P2RY2: variants seen among roughly 807,000 people sequenced by gnomAD.
P2RY2 encodes purinergic receptor P2Y2.
For synonymous variants in P2RY2, 241 were observed against 231.9 expected (o/e 1.04, Z -0.35); for missense variants, 567 against 515.7 (o/e 1.10, Z -0.96).
Position 73,234,862 on chromosome 11 carries a change from G to C in P2RY2, c.703G>C (p.Gly235Arg). 2 of 1,610,472 alleles carry C rather than the reference G, an allele frequency of 1.2e-6. No homozygotes were observed. Among genetic ancestry groups the C allele is most frequent in the South Asian group, 1.1e-5 (1 of 91,076 alleles). Residue 235 changes from glycine to arginine, a missense_variant, in exon 3 of 3, where the codon GGC (glycine) becomes CGC (arginine). Physicochemically the swap from Gly to Arg is moderately radical, Grantham distance 125. Transcript: ENST00000393597. ...LLKPAYGTSG[G>R]LPRAKRKSVR... is the part of the protein sequence containing the mutation. ...AAAGCCAGCCTACGGGACCTCGGGC[G>C]GCCTGCCTAGGGCCAAGCGCAAGTC...
At position 73,234,970 on chromosome 11, in the gene P2RY2, T is replaced by G; in HGVS notation, c.811T>G (p.Phe271Val). Residue 271 changes from phenylalanine to valine, a missense_variant, in exon 3 of 3, where the codon TTC becomes GTC. By Grantham distance (50) the Phe-to-Val change is conservative. Coordinates refer to ENST00000393597, the MANE Select transcript of P2RY2 (RefSeq NM_002564.4). ...FHVTRTLYYSFRSLDLSCHTL... is the reference protein window; with the variant it reads ...FHVTRTLYYSVRSLDLSCHTL... ...CGTCACCCGCACCCTCTACTACTCCTTCCGCTCGCTGGACCTCAGCTGCCA... is the reference window on the plus strand; with the variant it reads ...CGTCACCCGCACCCTCTACTACTCCGTCCGCTCGCTGGACCTCAGCTGCCA... 6.2e-7 allele frequency: 1 copy of G among 1,610,602 alleles called. No individual in the cohort carries two copies. The highest frequency in any genetic ancestry group is 8.5e-7 in the Non-Finnish European group (1 of 1,180,002).
intron 1 of P2RY2, among the ~76,000 whole-genome samples, chr11:73,227,613 C>T (rs2135636537): frequency 6.6e-6 from 1 of 152,284 alleles, no homozygotes; most frequent in South Asian, 2.1e-4. Flanking sequence ...AGAATGCACA[C>T]TGGGCAAAGA....
Position 73,236,734 on chromosome 11 carries a change from A to C in P2RY2, c.*1441A>C, listed in dbSNP as rs1400459457. ...AAGAGATTCACTCCTCCTCCTGTCC[A>C]TCGTCTGCCTTCTGGGAAAATCCCA... On this transcript the variant is annotated 3_prime_UTR_variant, in exon 3 of 3. Coordinates refer to ENST00000393597, the MANE Select transcript of P2RY2 (RefSeq NM_002564.4). The C allele has an allele frequency of 1.0e-6, 1 of 985,240 alleles. No individual in the cohort carries two copies. Among genetic ancestry groups the C allele is most frequent in the Non-Finnish European group, 1.2e-6 (1 of 829,918 alleles). 61.0% of individuals were successfully genotyped at this position (985,240 alleles called of 1,614,324 possible).
In P2RY2 at chr11:73,234,606, C is replaced by T. The variant is rs147817701; in HGVS notation, c.447C>T (p.Tyr149=). The change falls in exon 3 of 3, where the codon TAC becomes TAT. Residue 149 remains tyrosine, a synonymous_variant. Transcript: ENST00000393597. ...CCCTGCGCTGGGGCCGGGCCCGCTACGCTCGCCGGGTGGCCGGGGCCGTGT... is the reference window on the plus strand; with the variant it reads ...CCCTGCGCTGGGGCCGGGCCCGCTATGCTCGCCGGGTGGCCGGGGCCGTGT... ...LRSLRWGRAR[Y]ARRVAGAVWV... The T allele has an allele frequency of 2.1e-3, 3,214 of 1,566,756 alleles. 24 individuals carry two copies. Among genetic ancestry groups the T allele is most frequent in the South Asian group, 0.016 (1,324 of 82,308 alleles).
chr11:73,237,036 T>C lies in P2RY2; in HGVS notation c.*1743T>C. On this transcript the variant is annotated 3_prime_UTR_variant, in exon 3 of 3. Coordinates refer to ENST00000393597, the MANE Select transcript of P2RY2 (RefSeq NM_002564.4). ...TCTGACCTCTCCACCCTTCCCACTCTGCCTTGTGAAAGGCAGGACATCCCC... is the reference window on the plus strand; with the variant it reads ...TCTGACCTCTCCACCCTTCCCACTCCGCCTTGTGAAAGGCAGGACATCCCC... 1 of 985,338 alleles carries C rather than the reference T, an allele frequency of 1.0e-6. No homozygotes were observed. The highest frequency in any genetic ancestry group is 1.7e-5 in the African/African-American group (1 of 57,326). The allele number at this position is 985,338 out of a possible 1,614,324, so 61.0% of individuals were successfully genotyped here. A position where few individuals can be genotyped will look rare whatever the true frequency, so the allele number is the denominator to read the frequency against.
intron 1 of P2RY2, among the ~76,000 whole-genome samples, chr11:73,222,237 C>T (rs551408315): frequency 2.0e-5 from 3 of 152,192 alleles, no homozygotes; most frequent in Non-Finnish European, 2.9e-5. Context: ...CTCTGGGTGT[C>T]GACCTGGCTT....
At position 73,236,437 on chromosome 11, in the gene P2RY2, G is replaced by T; in HGVS notation, c.*1144G>T. On this transcript the variant is annotated 3_prime_UTR_variant, in exon 3 of 3. Coordinates refer to ENST00000393597, the MANE Select transcript of P2RY2 (RefSeq NM_002564.4). ...TGGATAATGCCGAGTGGCTGGGGCT[G>T]TGAGCCAGGGGGTCAGGGAAGGGTT... is the stretch of plus-strand genomic sequence containing the variant. The T allele has an allele frequency of 1.3e-5, 8 of 592,612 alleles. No homozygotes were observed. Among genetic ancestry groups the T allele is most frequent in the Non-Finnish European group, 1.7e-5 (8 of 465,372 alleles). 36.7% of individuals were successfully genotyped at this position (592,612 alleles called of 1,614,324 possible).
chr11:73,229,531 C>T (rs1355800646), intron 2 of P2RY2, among the ~76,000 whole-genome samples: 1 of 151,924 alleles, frequency 6.6e-6, no homozygotes, highest in Non-Finnish European at 1.5e-5. Context: ...TAAGGCAGGG[C>T]TAGGAAAGAT....
In P2RY2 at chr11:73,235,910, T is replaced by C. The variant is rs1862640227; in HGVS notation, c.*617T>C. ...GGAGCCAGTGTGAGGCTGTAACTTA[T>C]ACTAAAGGTTGTGTTGCCTGCTGAG... On this transcript the variant is annotated 3_prime_UTR_variant, in exon 3 of 3. Coordinates refer to ENST00000393597, the MANE Select transcript of P2RY2 (RefSeq NM_002564.4). 4 of 1,000,230 alleles carry C rather than the reference T, an allele frequency of 4.0e-6. No homozygotes were observed. Among genetic ancestry groups the C allele is most frequent in the Admixed American group, 1.2e-4 (2 of 16,270 alleles). The allele number at this position is 1,000,230 out of a possible 1,614,324, so 62.0% of individuals were successfully genotyped here.
At chr11:73,227,576 G>GCAAAAGTGTGTTGGCAGAAGGA (rs1220221532) in intron 1 of P2RY2, among the ~76,000 whole-genome samples, 10 of 152,302 alleles carry the variant, frequency 6.6e-5, no homozygotes, top group Admixed American at 3.9e-4. Context: ...TGGCAGAAGG[G>GCAAAAGTGTGTTGGCAGAAGGA]CAAAAGTGTG....
intron 2 of P2RY2, 75 bp from the exon 3 acceptor site, chr11:73,234,081 T>C (rs1388288454): frequency 6.6e-7 from 1 of 1,508,838 alleles, no homozygotes; most frequent in East Asian, 2.3e-5. Context: ...AAAGCCCTGG[T>C]CAGGTGGCTG....
At chr11:73,222,311 T>G (rs1199813152) in intron 1 of P2RY2, among the ~76,000 whole-genome samples, 1 of 152,022 alleles carries the variant, frequency 6.6e-6, no homozygotes, top group Non-Finnish European at 1.5e-5. Flanking sequence ...ATGGCTGGGC[T>G]GTTGCAGGAA....
At chr11:73,230,219 T>C (rs532206980) in intron 2 of P2RY2, among the ~76,000 whole-genome samples, 7 of 152,092 alleles carry the variant, frequency 4.6e-5, no homozygotes, top group Admixed American at 4.6e-4. Context: ...CCCATCCCCA[T>C]ACTTGCCATG....
chr11:73,225,103 G>T (rs1862239994), intron 1 of P2RY2, among the ~76,000 whole-genome samples: 1 of 152,148 alleles, frequency 6.6e-6, no homozygotes. Context: ...GGCAGCAGGG[G>T]TCTCCACAGT....
chr11:73,222,472 A>G (rs1002088423), intron 1 of P2RY2, among the ~76,000 whole-genome samples: 1 of 151,890 alleles, frequency 6.6e-6, no homozygotes, highest in African/African-American at 2.4e-5. Context: ...TTCCCCTCTT[A>G]AGCCTTCCAT....
At chr11:73,229,897 C>G (rs1862399286) in intron 2 of P2RY2, among the ~76,000 whole-genome samples, 1 of 152,086 alleles carries the variant, frequency 6.6e-6, no homozygotes, top group Non-Finnish European at 1.5e-5. Context: ...AGCCCCCTCC[C>G]TGTCCAAGTG....
At chr11:73,224,793 T>A (rs7130635) in intron 1 of P2RY2, among the ~76,000 whole-genome samples, 5 of 152,160 alleles carry the variant, frequency 3.3e-5, no homozygotes, top group South Asian at 4.2e-4. Flanking sequence ...CCTGCCCTTC[T>A]TGTCTTCCTG....
chr11:73,233,992 A>C, intron 2 of P2RY2, 164 bp from the exon 3 acceptor site: 1 of 742,470 alleles, frequency 1.3e-6, no homozygotes, highest in South Asian at 1.9e-5. Flanking sequence ...TGATCCTGAT[A>C]TTTATTCATT....
Position 73,235,033 on chromosome 11 carries a change from C to A in P2RY2, c.874C>A (p.Arg292=), listed in dbSNP as rs761371485. The change falls in exon 3 of 3, where the codon CGG becomes AGG. Residue 292 remains arginine (R), a synonymous_variant. Coordinates refer to ENST00000393597, the MANE Select transcript of P2RY2 (RefSeq NM_002564.4). ...CATCAACATGGCCTACAAGGTTACC[C>A]GGCCGCTGGCCAGTGCTAACAGTTG... ...NAINMAYKVT[R]PLASANSCLD... 16 of 1,608,180 alleles carry A rather than the reference C, an allele frequency of 9.9e-6. No individual in the cohort carries two copies. In the Admixed American group the frequency reaches 2.7e-4, roughly 27 times the overall value.
Sources: gnomAD v4.1 joint callset for allele counts (sites outside exome capture counted in the v4.1 genomes callset) on GRCh38, gnomAD v4.1.1 for gene constraint, MANE v1.5 for transcripts, NCBI Gene and HGNC (gene_info 2026-07-23, HGNC 2026-07-21) for gene names.